NSMAF: variants seen among roughly 807,000 people sequenced by gnomAD.
The protein encoded by NSMAF is protein FAN.
Under a neutral mutation model 134.9 loss-of-function variants are expected in NSMAF, and 90 were observed. The observed-to-expected ratio is 0.67, with a 90% confidence interval of 0.56 to 0.79. The LOEUF is 0.79. Ranked by LOEUF, NSMAF falls within the 30% of genes least tolerant of loss-of-function variation. The pLI is 0.00. For missense variants in NSMAF, 1,010 were observed against 1,119.0 expected, an observed-to-expected ratio of 0.90 and a Z score of 1.39; for synonymous variants, 358 against 389.6, an observed-to-expected ratio of 0.92 and a Z score of 0.96.
intron 6 of NSMAF, among the ~76,000 whole-genome samples, chr8:58,628,019 G>GGCTA (rs1806975580): frequency 1.3e-5 from 2 of 152,044 alleles, no homozygotes; most frequent in Admixed American, 6.6e-5. Flanking sequence ...AATAGCATGG[G>GGCTA]GCTAGTATAA....
chr8:58,642,969 C>T lies in NSMAF; in HGVS notation c.149+15G>A. ...AAAGGTTTGTTTGTCCAAGGAGATA[C>T]CGAAGCTTCCTTACCTTTCATGGTG... is the stretch of plus-strand genomic sequence containing the variant. On this transcript the variant is annotated intron_variant, in intron 2 of 30. Coordinates refer to ENST00000038176, the MANE Select transcript of NSMAF (RefSeq NM_003580.4). 1.3e-6 allele frequency: 2 copies of T among 1,592,796 alleles called. No individual in the cohort carries two copies. The highest frequency in any genetic ancestry group is 1.7e-6 in the Non-Finnish European group (2 of 1,160,702).
intron 1 of NSMAF, among the ~76,000 whole-genome samples, chr8:58,643,290 A>T (rs1180777674): frequency 6.6e-6 from 1 of 152,228 alleles, no homozygotes; most frequent in African/African-American, 2.4e-5. Context: ...TGTCAAAAAT[A>T]AAATCACTCA....
At chr8:58,647,836 T>C (rs1007044591) in intron 1 of NSMAF, among the ~76,000 whole-genome samples, 2 of 152,144 alleles carry the variant, frequency 1.3e-5, no homozygotes, top group African/African-American at 2.4e-5. Flanking sequence ...AATTTCTTTA[T>C]AGCAAAACAA....
intron 6 of NSMAF, 69 bp downstream of exon 6, chr8:58,631,425 TAG>T (rs1807055876): frequency 1.2e-6 from 1 of 861,350 alleles, no homozygotes; most frequent in East Asian, 2.9e-5. Context: ...AAGATGTTAA[TAG>T]AGTCACAAAA....
At chr8:58,614,632 G>A (rs1280442093) in intron 9 of NSMAF, among the ~76,000 whole-genome samples, 1 of 152,196 alleles carries the variant, frequency 6.6e-6, no homozygotes, top group African/African-American at 2.4e-5. Context: ...GCTTCAAGCT[G>A]GCCCACCCCT....
chr8:58,616,872 A>G (rs1189170731), intron 9 of NSMAF, among the ~76,000 whole-genome samples: 1 of 152,254 alleles, frequency 6.6e-6, no homozygotes, highest in Admixed American at 6.5e-5. Context: ...GAGTGAATTT[A>G]GAAGAGTCAT....
At chr8:58,599,924 T>C (rs1450000312) in intron 17 of NSMAF, 46 bp downstream of exon 17, 1 of 1,613,072 alleles carries the variant, frequency 6.2e-7, no homozygotes, top group Non-Finnish European at 8.5e-7. Flanking sequence ...TTAAAGCAGT[T>C]AGAAACCCCA....
chr8:58,589,190 A>C (rs534303192), intron 26 of NSMAF, among the ~76,000 whole-genome samples: 1 of 147,874 alleles, frequency 6.8e-6, no homozygotes, highest in East Asian at 1.9e-4. Context: ...TATATGTAAT[A>C]TATAACAGAT....
intron 9 of NSMAF, among the ~76,000 whole-genome samples, chr8:58,612,633 G>A (rs1049063638): frequency 1.5e-4 from 23 of 152,142 alleles, no homozygotes; most frequent in Non-Finnish European, 3.1e-4. Context: ...GATTGGCATC[G>A]GAGGTGAGGG....
chr8:58,589,865 C>T, intron 25 of NSMAF, 142 bp downstream of exon 25: 2 of 675,970 alleles, frequency 3.0e-6, no homozygotes, highest in Non-Finnish European at 5.0e-6. Flanking sequence ...TCCAACCATA[C>T]TGTCCTCATC....
At chr8:58,592,769 C>T (rs940173655) in intron 23 of NSMAF, among the ~76,000 whole-genome samples, 1 of 152,056 alleles carries the variant, frequency 6.6e-6, no homozygotes, top group African/African-American at 2.4e-5. Context: ...TGCCTGTGAA[C>T]CCAGCTACTC....
chr8:58,603,160 G>C lies in NSMAF; in HGVS notation c.1045+50C>G, dbSNP rs760029142. The C allele has an allele frequency of 4.6e-6, 7 of 1,529,578 alleles. No individual in the cohort carries two copies. The South Asian group carries it at 7.9e-5, about 17-fold the overall frequency. 94.8% of individuals were successfully genotyped at this position (1,529,578 alleles called of 1,614,324 possible). ...TATTCTGTCCTTTAAAAACAATACA[G>C]ATGACTACTCCCCACTCAACTTGGT... is the stretch of plus-strand genomic sequence containing the variant. On this transcript the variant is annotated intron_variant, in intron 13 of 30. Coordinates refer to ENST00000038176, the MANE Select transcript of NSMAF (RefSeq NM_003580.4).
intron 5 of NSMAF, among the ~76,000 whole-genome samples, chr8:58,632,411 C>T (rs945925021): frequency 5.3e-5 from 8 of 152,168 alleles, no homozygotes; most frequent in Middle Eastern, 3.2e-3. Context: ...AAGATCTCCA[C>T]GTCACCATAC....
chr8:58,644,108 C>T (rs1807392550), intron 1 of NSMAF, among the ~76,000 whole-genome samples: 1 of 152,080 alleles, frequency 6.6e-6, no homozygotes. Context: ...GAGTTACAGG[C>T]AAAAGCTTTC....
chr8:58,641,309 A>G (rs1217349883), intron 2 of NSMAF, among the ~76,000 whole-genome samples: 6 of 152,242 alleles, frequency 3.9e-5, no homozygotes, highest in Admixed American at 3.3e-4. Context: ...TGTAGTAAAA[A>G]TCTATAAAAT....
At position 58,600,904 on chromosome 8, in the gene NSMAF, A is replaced by G. The variant is rs373340694; in HGVS notation, c.1280+381T>C. On this transcript the variant is annotated intron_variant, in intron 16 of 30. Coordinates refer to ENST00000038176, the MANE Select transcript of NSMAF (RefSeq NM_003580.4). ...TATTCAATTCACAGCAAAATTATCA[A>G]GAATAATAAAGTGTGGGAAACAATC... Among the ~76,000 whole-genome samples the G allele has an allele frequency of 1.8e-3, 273 of 152,272 alleles. 1 individual carries two copies. The highest frequency in any genetic ancestry group is 0.014 in the South Asian group (66 of 4,832).
chr8:58,599,484 C>A, intron 18 of NSMAF, 121 bp from the exon 19 acceptor site: 1 of 1,176,154 alleles, frequency 8.5e-7, no homozygotes, highest in East Asian at 2.5e-5. Flanking sequence ...TTTCTTAATG[C>A]AGTTTTCTTT....
chr8:58,587,645 CA>C lies in NSMAF; in HGVS notation c.2267del (p.Leu756CysfsTer11), dbSNP rs1805920730. 6.2e-7 allele frequency: 1 copy of C among 1,614,038 alleles called. No homozygotes were observed. Among genetic ancestry groups the C allele is most frequent in the South Asian group, 1.1e-5 (1 of 91,092 alleles). Reference protein sequence around the residue: ...MPGTKRHHFDLLAELEHDVSV... With the variant: ...MPGTKRHHFDXLAELEHDVSV... ...TGACATCATGTTCCAGCTCGGCCAG[CA>C]AGTCAAAGTGGTGTCTTTTGGTGCC... On this transcript the variant is annotated frameshift_variant, in exon 27 of 31. Transcript: ENST00000038176. LOFTEE classifies it high-confidence loss of function.
At chr8:58,584,673 T>C (rs1479126235) in intron 30 of NSMAF, among the ~76,000 whole-genome samples, 1 of 152,192 alleles carries the variant, frequency 6.6e-6, no homozygotes, top group Non-Finnish European at 1.5e-5. Context: ...TCGCTCTTGC[T>C]CTTACCCAGG....
Sources: gnomAD v4.1 joint callset for allele counts (sites outside exome capture counted in the v4.1 genomes callset) on GRCh38, gnomAD v4.1.1 for gene constraint, MANE v1.5 for transcripts, NCBI Gene and HGNC (gene_info 2026-07-23, HGNC 2026-07-21) for gene names.